Variants in ZNF362 observed in about 807,000 individuals in gnomAD.
The protein encoded by ZNF362 is zinc finger protein 362, also known as rotund homolog.
ZNF362 carries 11 observed loss-of-function variants against 42.9 expected under a neutral mutation model. That is an observed-to-expected ratio of 0.26 (90% confidence interval 0.16 to 0.42). The LOEUF (loss-of-function observed/expected upper bound fraction) is 0.42, where lower values mean the gene tolerates loss of function less well. ZNF362 is among the 20% of genes least tolerant of loss of function. The probability of loss-of-function intolerance (pLI) is 1.00; values close to 1 mark genes in which losing one functional copy is unlikely to be tolerated. For missense variants in ZNF362, 362 were observed against 576.2 expected (o/e 0.63, Z 3.81); for synonymous variants, 255 against 257.3 (o/e 0.99, Z 0.09).
chr1:33,232,585 T>G, the ZNF362 span, among the ~76,000 whole-genome samples: 5 of 152,160 alleles, frequency 3.3e-5, no homozygotes, highest in East Asian at 3.8e-4. Context: ...CACTGGACAT[T>G]GTCATGTCTG....
At chr1:33,147,183 G>A in the ZNF362 span, 1 of 1,613,480 alleles carries the variant, frequency 6.2e-7, no homozygotes, top group Non-Finnish European at 8.5e-7. The surrounding 1 kb of genome is among the most constrained non-coding windows in gnomAD (Gnocchi z 8.1). Flanking sequence ...TGGACTAGAT[G>A]CGGACGGTGT....
chr1:33,165,692 G>T, the ZNF362 span: 1 of 722,338 alleles, frequency 1.4e-6, no homozygotes. The surrounding 1 kb of genome is among the most constrained non-coding windows in gnomAD (Gnocchi z 4.0). Context: ...CTTGCCTCCC[G>T]TCACAGTTCA....
the ZNF362 span, among the ~76,000 whole-genome samples, chr1:33,133,687 G>C: frequency 6.6e-6 from 1 of 152,220 alleles, no homozygotes; most frequent in Admixed American, 6.5e-5. Flanking sequence ...GTTAGGGCAA[G>C]GGCAGTGGAC....
At chr1:33,275,217 A>G (rs6425814) in intron 2 of ZNF362, 47 of 985,220 alleles carry the variant, frequency 4.8e-5, no homozygotes, top group Middle Eastern at 5.2e-4. Context: ...ACTCTAGGGT[A>G]GCAGGAAGAC....
chr1:33,128,245 G>T, the ZNF362 span, among the ~76,000 whole-genome samples: 18 of 150,822 alleles, frequency 1.2e-4, no homozygotes, highest in East Asian at 3.3e-3. Context: ...GTGGTGGCAA[G>T]CACCTGCGGT....
the ZNF362 span, among the ~76,000 whole-genome samples, chr1:33,227,290 A>T: frequency 6.6e-6 from 1 of 152,166 alleles, no homozygotes; most frequent in Non-Finnish European, 1.5e-5. Flanking sequence ...CCTGGAATTG[A>T]GTGGGCTTGT....
the ZNF362 span, among the ~76,000 whole-genome samples, chr1:33,236,550 A>AAAAATATATATATAT: frequency 1.7e-4 from 1 of 5,980 alleles, no homozygotes; most frequent in Non-Finnish European, 3.7e-4. Context: ...AAAAAAAAAA[A>AAAAATATATATATAT]ATATATATAT....
chr1:33,219,330 C>G, the ZNF362 span, among the ~76,000 whole-genome samples: 1 of 152,230 alleles, frequency 6.6e-6, no homozygotes, highest in East Asian at 1.9e-4. Flanking sequence ...GCCCACTTCC[C>G]AACCTCTGCC....
the ZNF362 span, among the ~76,000 whole-genome samples, chr1:33,234,933 C>G: frequency 6.5e-4 from 99 of 152,226 alleles, no homozygotes; most frequent in African/African-American, 2.2e-3. Flanking sequence ...CTGCATGGAG[C>G]CTGCTGTTCA....
the ZNF362 span, among the ~76,000 whole-genome samples, chr1:33,214,391 A>G: frequency 6.6e-6 from 1 of 152,230 alleles, no homozygotes; most frequent in South Asian, 2.1e-4. Context: ...CTGTGAAACT[A>G]CTAAAAGGAA....
chr1:33,131,448 T>A, the ZNF362 span, among the ~76,000 whole-genome samples: 1 of 152,210 alleles, frequency 6.6e-6, no homozygotes. Flanking sequence ...TTCCTGTGGC[T>A]ATGAGACACT....
At chr1:33,208,489 G>T in the ZNF362 span, among the ~76,000 whole-genome samples, 2 of 152,098 alleles carry the variant, frequency 1.3e-5, no homozygotes, top group African/African-American at 2.4e-5. Context: ...AGCTTGATGG[G>T]GATAGCATTG....
chr1:33,256,853 G>C (rs1003799619), intron 1 of ZNF362, among the ~76,000 whole-genome samples, 199 bp downstream of exon 1: 9 of 148,744 alleles, frequency 6.1e-5, no homozygotes, highest in Admixed American at 1.3e-4. Context: ...CGGCAGCGGG[G>C]CGCGCGGGGT....
the ZNF362 span, among the ~76,000 whole-genome samples, chr1:33,243,537 T>G: frequency 6.6e-6 from 1 of 152,012 alleles, no homozygotes; most frequent in Non-Finnish European, 1.5e-5. Flanking sequence ...AAATCTTAGT[T>G]ATTATAAGTG....
chr1:33,274,480 C>G (rs904095626), intron 2 of ZNF362, among the ~76,000 whole-genome samples: 1 of 152,092 alleles, frequency 6.6e-6, no homozygotes, highest in African/African-American at 2.4e-5. Context: ...AGGGAGAACT[C>G]CAGGCAGGAA....
chr1:33,261,612 G>A (rs2148063957), intron 1 of ZNF362: 1 of 152,310 alleles, frequency 6.6e-6, no homozygotes, highest in African/African-American at 2.4e-5. Flanking sequence ...CAGGGTAATT[G>A]GTCAGGCTTG....
At chr1:33,232,856 G>T in the ZNF362 span, among the ~76,000 whole-genome samples, 2 of 152,182 alleles carry the variant, frequency 1.3e-5, no homozygotes, top group Admixed American at 1.3e-4. Context: ...TTCTTCAACT[G>T]CCTCTCTGTG....
chr1:33,265,507 C>T (rs377537810), intron 1 of ZNF362, among the ~76,000 whole-genome samples: 15 of 152,040 alleles, frequency 9.9e-5, no homozygotes, highest in Admixed American at 2.6e-4. Flanking sequence ...TCTTTCCTTC[C>T]GGGGAAGGAA....
chr1:33,256,166 A>AGGCGGTGGCGGCGGC (rs1645787604), upstream of ZNF362, among the ~76,000 whole-genome samples: 1 of 147,018 alleles, frequency 6.8e-6, no homozygotes, highest in South Asian at 2.1e-4. Context: ...CAACTTTGCC[A>AGGCGGTGGCGGCGGC]GGCGGTGGCG....
Sources: gnomAD v4.1 joint callset for allele counts (sites outside exome capture counted in the v4.1 genomes callset) on GRCh38, gnomAD v4.1.1 for gene constraint, Gnocchi (gnomAD v3.1) non-coding constraint, MANE v1.5 for transcripts, NCBI Gene and HGNC (gene_info 2026-07-23, HGNC 2026-07-21) for gene names.